PATZ1: variants seen among roughly 807,000 people sequenced by gnomAD.
PATZ1 encodes POZ/BTB and AT hook containing zinc finger 1.
Under a neutral mutation model 46.2 loss-of-function variants are expected in PATZ1, and 9 were observed. The observed-to-expected ratio is 0.19, with a 90% confidence interval of 0.12 to 0.34. The LOEUF (loss-of-function observed/expected upper bound fraction) is 0.34, where lower values mean the gene tolerates loss of function less well. PATZ1 is among the 10% of genes least tolerant of loss of function. PATZ1 has a pLI of 1.00. For synonymous variants in PATZ1, 426 were observed against 378.6 expected, an observed-to-expected ratio of 1.13 and a Z score of -1.45; for missense variants, 632 against 923.0, an observed-to-expected ratio of 0.68 and a Z score of 4.08.
At chr22:31,341,275 G>A (rs899187357) in intron 2 of PATZ1, 11 of 1,426,754 alleles carry the variant, frequency 7.7e-6, no homozygotes, top group South Asian at 1.8e-5. Flanking sequence ...GAAAGACTCC[G>A]AGTCACCCAG....
At position 31,328,409 on chromosome 22, in the gene PATZ1, C is replaced by T. The variant is rs1015570636; in HGVS notation, c.1645+378G>A. On this transcript the variant is annotated intron_variant, in intron 4 of 4. Transcript: ENST00000266269. The surrounding 1 kb of genome is among the most constrained non-coding windows in gnomAD (Gnocchi z 4.8). Reference sequence around the variant, plus strand: ...GTCAAAAGAGGAGAAAGCATTCAGCCGCAGCTCCACACCATCCTAAAGGGC... The same window carrying T: ...GTCAAAAGAGGAGAAAGCATTCAGCTGCAGCTCCACACCATCCTAAAGGGC... 5.9e-5 allele frequency among the ~76,000 whole-genome samples: 9 copies of T among 152,172 alleles called. No individual in the cohort carries two copies. Among genetic ancestry groups the T allele is most frequent in the Non-Finnish European group, 1.3e-4 (9 of 68,034 alleles).
rs147922140 is a variant in PATZ1, at chr22:31,340,797, G to A, written c.1335+2100C>T. 9.3e-5 allele frequency: 98 copies of A among 1,058,164 alleles called. No homozygotes were observed. In the East Asian group the frequency reaches 4.9e-3, roughly 53 times the overall value. 65.5% of individuals were successfully genotyped at this position (1,058,164 alleles called of 1,614,324 possible). The stretch of plus-strand genomic sequence containing the variant: ...TACATCTGCTTTTTCAGCCCCCAAA[G>A]CCATATATTGGGGTGGCCCAATATA... On this transcript the variant is annotated intron_variant, in intron 2 of 4. Transcript: ENST00000266269.
chr22:31,334,636 C>T (rs1221386069), intron 3 of PATZ1, among the ~76,000 whole-genome samples: 1 of 152,154 alleles, frequency 6.6e-6, no homozygotes, highest in East Asian at 1.9e-4. Flanking sequence ...TTTCACCTAC[C>T]TTGTCTCCTG....
At chr22:31,341,767 C>G (rs2049586147) in intron 2 of PATZ1, 1 of 1,215,560 alleles carries the variant, frequency 8.2e-7, no homozygotes, top group Non-Finnish European at 1.2e-6. Flanking sequence ...CCTACTCTGC[C>G]CGGGCTAATC....
intron 2 of PATZ1, chr22:31,341,711 AC>A (rs758964776): frequency 7.6e-6 from 12 of 1,577,858 alleles, no homozygotes; most frequent in African/African-American, 2.7e-5. Flanking sequence ...AGTGCAGGTT[AC>A]CCCCCCAGGC....
In PATZ1 at chr22:31,327,417, G is replaced by A. The variant is rs940452847; in HGVS notation, c.1646-108C>T. On this transcript the variant is annotated intron_variant, in intron 4 of 4. Coordinates refer to ENST00000266269, the MANE Select transcript of PATZ1 (RefSeq NM_014323.3). This position sits in a 1 kb window ranked among gnomAD's most constrained non-coding sequence, Gnocchi z 4.2. Reference sequence around the variant, plus strand: ...CACAGACCTGTGGAGGGCAGCCATTGGCCAGCCACTGCCCTGGCAGAACCC... The same window carrying A: ...CACAGACCTGTGGAGGGCAGCCATTAGCCAGCCACTGCCCTGGCAGAACCC... 3.6e-5 allele frequency: 33 copies of A among 926,004 alleles called. No homozygotes were observed. The highest frequency in any genetic ancestry group is 5.2e-5 in the Non-Finnish European group (32 of 617,568). The allele number at this position is 926,004 out of a possible 1,614,324, so 57.4% of individuals were successfully genotyped here.
rs757902232 is a variant in PATZ1 at position 31,326,427 on chromosome 22, C to T, written c.*464G>A. 36 of 235,494 alleles carry T rather than the reference C, an allele frequency of 1.5e-4. No homozygotes were observed. Among genetic ancestry groups the T allele is most frequent in the East Asian group, 1.8e-4 (3 of 16,508 alleles). The allele number at this position is 235,494 out of a possible 1,614,324, so 14.6% of individuals were successfully genotyped here. A position where few individuals can be genotyped will look rare whatever the true frequency, so the allele number is the denominator to read the frequency against. ...GCTTCCTTAAAAACAGTTGGGCATC[C>T]GCATTGTATAAGTAGGTGGAGACCC... On this transcript the variant is annotated 3_prime_UTR_variant, in exon 5 of 5. Coordinates refer to ENST00000266269, the MANE Select transcript of PATZ1 (RefSeq NM_014323.3).
Position 31,344,881 on chromosome 22 carries a change from G to A in PATZ1, c.722C>T (p.Pro241Leu), listed in dbSNP as rs2049630702. The change falls in exon 1 of 5, where the codon CCC (proline) becomes CTC (leucine). Residue 241 changes from proline to leucine, a missense_variant. Physicochemically the swap from Pro to Leu is moderately conservative, Grantham distance 98. Transcript: ENST00000266269. ...GVDRLPMVAG[P>L]LSPQLLTSPF... ...GGAAGTCAGCAGTTGGGGGGATAGG[G>A]GTCCAGCCACCATGGGCAAGCGGTC... The A allele has an allele frequency of 1.9e-6, 3 of 1,612,930 alleles. No homozygotes were observed. The highest frequency in any genetic ancestry group is 2.5e-6 in the Non-Finnish European group (3 of 1,179,976).
At chr22:31,343,197 T>C in intron 1 of PATZ1, 1 of 1,274,494 alleles carries the variant, frequency 7.8e-7, no homozygotes. Flanking sequence ...TCTCTGATTT[T>C]GCCTCCCCAC....
intron 2 of PATZ1, chr22:31,341,311 AACC>A: frequency 6.8e-7 from 1 of 1,477,840 alleles, no homozygotes; most frequent in Non-Finnish European, 9.0e-7. Flanking sequence ...GCTGGGCAGG[AACC>A]ACCCTGCTAG....
rs1167243743 is a variant in PATZ1 at position 31,342,800 on chromosome 22, GCCGGGCCC to G, written c.1335+89_1335+96del. 8.7e-6 allele frequency: 12 copies of G among 1,372,492 alleles called. No homozygotes were observed. In the Middle Eastern group the frequency reaches 1.5e-3, roughly 173 times the overall value. 85.0% of individuals were successfully genotyped at this position (1,372,492 alleles called of 1,614,324 possible). A position where few individuals can be genotyped will look rare whatever the true frequency, so the allele number is the denominator to read the frequency against. On this transcript the variant is annotated intron_variant, in intron 2 of 4. Coordinates refer to ENST00000266269, the MANE Select transcript of PATZ1 (RefSeq NM_014323.3). ...AGGTGTGCAAAGCGGTGGGCGGTCA[GCCGGGCCC>G]CCGGCACACGCAGCGGCTGGCTCAA...
In PATZ1 at chr22:31,345,686, A is replaced by T. The variant is rs2049645683; in HGVS notation, c.-84T>A. On this transcript the variant is annotated 5_prime_UTR_variant, in exon 1 of 5. Coordinates refer to ENST00000266269, the MANE Select transcript of PATZ1 (RefSeq NM_014323.3). This position sits in a 1 kb window ranked among gnomAD's most constrained non-coding sequence, Gnocchi z 7.4. ...TCAGCAGCGAGAAGCGGGGCGCAGC[A>T]GACGTGTCCACACTCCCCACACGTG... 7.4e-7 allele frequency: 1 copy of T among 1,358,874 alleles called. No homozygotes were observed. Among genetic ancestry groups the T allele is most frequent in the Non-Finnish European group, 9.9e-7 (1 of 1,013,754 alleles). 84.2% of individuals were successfully genotyped at this position (1,358,874 alleles called of 1,614,324 possible). A position where few individuals can be genotyped will look rare whatever the true frequency, so the allele number is the denominator to read the frequency against.
At chr22:31,341,447 G>A in intron 2 of PATZ1, 1 of 1,597,896 alleles carries the variant, frequency 6.3e-7, no homozygotes, top group South Asian at 1.1e-5. Flanking sequence ...TGCCCTCTGG[G>A]GTGGTCCAGC....
At chr22:31,344,031 C>CA (rs2046919161) in intron 1 of PATZ1, among the ~76,000 whole-genome samples, 2 of 152,184 alleles carry the variant, frequency 1.3e-5, no homozygotes, top group African/African-American at 4.8e-5. Flanking sequence ...GTGCCGGAAA[C>CA]ACAAAGGGAG....
chr22:31,332,445 A>G (rs1461974230), intron 3 of PATZ1, among the ~76,000 whole-genome samples: 1 of 152,228 alleles, frequency 6.6e-6, no homozygotes, highest in African/African-American at 2.4e-5. Flanking sequence ...CTGAGCACAC[A>G]TATGACTGCC....
At chr22:31,331,550 C>T (rs1231286101) in intron 3 of PATZ1, among the ~76,000 whole-genome samples, 1 of 152,002 alleles carries the variant, frequency 6.6e-6, no homozygotes, top group Non-Finnish European at 1.5e-5. Context: ...ACCATGTTAG[C>T]CAGGATGGTC....
At chr22:31,339,057 C>T (rs2049547932) in intron 2 of PATZ1, among the ~76,000 whole-genome samples, 1 of 152,196 alleles carries the variant, frequency 6.6e-6, no homozygotes, top group South Asian at 2.1e-4. Flanking sequence ...TGGGATCTGT[C>T]CTCTAAAGGC....
In PATZ1 at chr22:31,341,444, TG is replaced by T. The variant is rs765783260; in HGVS notation, c.1335+1452del. 3.1e-6 allele frequency: 5 copies of T among 1,595,786 alleles called. No homozygotes were observed. In the South Asian group the frequency reaches 4.6e-5, roughly 15 times the overall value. ...ACTGGGTAAAGGCCCTGCTGCCCTC[TG>T]GGGTGGTCCAGCCCTGCCTCAGATA... On this transcript the variant is annotated intron_variant, in intron 2 of 4. Transcript: ENST00000266269.
In PATZ1 at chr22:31,328,655, G is replaced by T; in HGVS notation, c.1645+132C>A. 1.3e-6 allele frequency: 1 copy of T among 769,352 alleles called. No individual in the cohort carries two copies. Among genetic ancestry groups the T allele is most frequent in the Non-Finnish European group, 2.2e-6 (1 of 450,482 alleles). 47.7% of individuals were successfully genotyped at this position (769,352 alleles called of 1,614,324 possible). On this transcript the variant is annotated intron_variant, in intron 4 of 4. Transcript: ENST00000266269. This position sits in a 1 kb window ranked among gnomAD's most constrained non-coding sequence, Gnocchi z 4.8. ...TGTGACTTTTGTCCTGGAGGCCACT[G>T]CCACTCAGATCTCTGAGTCTCCTCA...
Sources: gnomAD v4.1 joint callset for allele counts (sites outside exome capture counted in the v4.1 genomes callset) on GRCh38, gnomAD v4.1.1 for gene constraint, Gnocchi (gnomAD v3.1) non-coding constraint, MANE v1.5 for transcripts, NCBI Gene and HGNC (gene_info 2026-07-23, HGNC 2026-07-21) for gene names.